Variants in CDK11B observed in about 807,000 individuals in gnomAD.
CDK11B encodes cyclin-dependent kinase 11B.
Under a neutral mutation model 84.0 loss-of-function variants are expected in CDK11B, and 37 were observed. That is an observed-to-expected ratio of 0.44 (90% CI 0.34 to 0.58). The LOEUF (loss-of-function observed/expected upper bound fraction) is 0.58. Ranked by LOEUF, CDK11B falls within the 20% of genes least tolerant of loss-of-function variation. The pLI is 0.02. For missense variants in CDK11B, 427 were observed against 834.0 expected, an observed-to-expected ratio of 0.51 and a Z score of 6.01; for synonymous variants, 269 against 309.8, an observed-to-expected ratio of 0.87 and a Z score of 1.38.
intron 3 of CDK11B, among the ~76,000 whole-genome samples, chr1:1,653,014 C>A (rs1245981998): frequency 6.6e-6 from 1 of 151,310 alleles, no homozygotes; most frequent in Non-Finnish European, 1.5e-5. Flanking sequence ...TGAGCCACTG[C>A]GCCCGGCCTG....
intron 11 of CDK11B, among the ~76,000 whole-genome samples, chr1:1,639,006 T>C (rs1639835345): frequency 6.8e-6 from 1 of 146,732 alleles, no homozygotes; most frequent in South Asian, 2.2e-4. Context: ...AATGGTGAGA[T>C]CTCGGCTCAC....
In CDK11B at chr1:1,649,628, G is replaced by T. The variant is rs1641626037; in HGVS notation, c.365C>A (p.Ala122Asp). 2 of 1,610,126 alleles carry T rather than the reference G, an allele frequency of 1.2e-6. No individual in the cohort carries two copies. Among genetic ancestry groups the T allele is most frequent in the Admixed American group, 3.3e-5 (2 of 59,952 alleles). The change falls in exon 5 of 20, where the codon GCT (alanine) becomes GAT (aspartate). Residue 122 changes from alanine (A) to aspartate (D), a missense_variant. This residue lies in a region of CDK11B where 71 missense variants were observed against 66.2 expected (regional missense o/e 1.07). Coordinates refer to ENST00000341832, the MANE Select transcript of CDK11B (RefSeq NM_033486.3). Reference protein sequence around the residue: ...RSHSAEGGKHARVKEKEREHE... With the variant: ...RSHSAEGGKHDRVKEKEREHE... ...CTCTCTTTCTTTTTCTTTCACTCTA[G>T]CATGCTTCCCTAATGAGAAATAAAG...
chr1:1,649,524 C>T lies in CDK11B; in HGVS notation c.469G>A (p.Ala157Thr). ...EWERQKRREMAREHSRRERDR... is the reference protein window; with the variant it reads ...EWERQKRREMTREHSRRERDR... ...CTTTCTCTCCTGGAATGCTCCCTTG[C>T]CATCTCCCTTCTCTTCTGTCTTTCC... is the stretch of plus-strand genomic sequence containing the variant. The change falls in exon 5 of 20, where the codon GCA becomes ACA. Residue 157 changes from alanine to threonine, a missense_variant. Coordinates refer to ENST00000341832, the MANE Select transcript of CDK11B (RefSeq NM_033486.3). The T allele has an allele frequency of 6.3e-7, 1 of 1,597,846 alleles. No homozygotes were observed. Among genetic ancestry groups the T allele is most frequent in the Non-Finnish European group, 8.6e-7 (1 of 1,165,360 alleles).
chr1:1,635,671 C>G lies in CDK11B; in HGVS notation c.*93G>C, dbSNP rs1342217198. 3.6e-6 allele frequency: 1 copy of G among 277,966 alleles called. No individual in the cohort carries two copies. The highest frequency in any genetic ancestry group is 6.0e-6 in the Non-Finnish European group (1 of 166,700). 17.2% of individuals were successfully genotyped at this position (277,966 alleles called of 1,614,324 possible). On this transcript the variant is annotated 3_prime_UTR_variant, in exon 20 of 20. Coordinates refer to ENST00000341832, the MANE Select transcript of CDK11B (RefSeq NM_033486.3). ...ACAAAACATGGAGCACAAAGTAAGA[C>G]GAGGAGTTCCGAGTCTCATCGCAGC...
chr1:1,653,825 TACACACACACACACACACACACAC>T (rs782129056), intron 3 of CDK11B, among the ~76,000 whole-genome samples: 1 of 121,844 alleles, frequency 8.2e-6, no homozygotes, highest in Non-Finnish European at 1.6e-5. Context: ...CTACTAAAAA[TACACACACACACACACACACACAC>T]ACACACACAC....
intron 6 of CDK11B, among the ~76,000 whole-genome samples, chr1:1,643,452 G>A (rs1256280800): frequency 6.6e-6 from 1 of 151,676 alleles, no homozygotes; most frequent in South Asian, 2.1e-4. Flanking sequence ...GAGAAACAAA[G>A]AAATAGGACA....
At chr1:1,650,449 T>G (rs1253922333) in intron 4 of CDK11B, among the ~76,000 whole-genome samples, 1 of 145,584 alleles carries the variant, frequency 6.9e-6, no homozygotes, top group Non-Finnish European at 1.5e-5. Flanking sequence ...CACTGCAAGC[T>G]CCGCCTCCCG....
At chr1:1,647,381 T>C (rs1257898905) in intron 5 of CDK11B, among the ~76,000 whole-genome samples, 3 of 152,300 alleles carry the variant, frequency 2.0e-5, no homozygotes, top group Non-Finnish European at 4.4e-5. Flanking sequence ...GCCTGTCTGG[T>C]TGTCCGTGAA....
chr1:1,646,259 T>C, intron 5 of CDK11B: 1 of 378,896 alleles, frequency 2.6e-6, no homozygotes, highest in Non-Finnish European at 5.2e-6. Context: ...TTGGATTTAC[T>C]TTCCTTGCTT....
intron 3 of CDK11B, among the ~76,000 whole-genome samples, chr1:1,653,679 C>T (rs189262435): frequency 6.6e-6 from 1 of 151,730 alleles, no homozygotes; most frequent in African/African-American, 2.4e-5. Flanking sequence ...CCCAATAAAT[C>T]TGTTAAAAGA....
In CDK11B at chr1:1,657,183, G is replaced by A. The variant is rs532413972; in HGVS notation, c.111+192C>T. On this transcript the variant is annotated intron_variant, in intron 2 of 19. Transcript: ENST00000341832. ...CTCAATCTAGACACAGCTTTAGTGTGTTAAATCTGCCTTTAATGTCAACTG... is the reference window on the plus strand; with the variant it reads ...CTCAATCTAGACACAGCTTTAGTGTATTAAATCTGCCTTTAATGTCAACTG... The A allele has an allele frequency of 6.8e-5, 109 of 1,612,146 alleles. No homozygotes were observed. In the South Asian group the frequency reaches 1.1e-3, roughly 16 times the overall value.
intron 10 of CDK11B, 85 bp downstream of exon 10, chr1:1,640,963 C>A: frequency 4.4e-6 from 7 of 1,597,980 alleles, no homozygotes; most frequent in African/African-American, 2.8e-5. Context: ...GTGCCCCACG[C>A]TGCGCAGGAC....
chr1:1,649,128 C>A (rs1641560915), intron 5 of CDK11B, among the ~76,000 whole-genome samples: 2 of 152,000 alleles, frequency 1.3e-5, no homozygotes, highest in Non-Finnish European at 1.5e-5. Context: ...GAGACGGAGT[C>A]TCGCTCTGTC....
intron 6 of CDK11B, among the ~76,000 whole-genome samples, 158 bp downstream of exon 6, chr1:1,644,968 G>T (rs1440740745): frequency 7.1e-6 from 1 of 140,196 alleles, no homozygotes; most frequent in Admixed American, 6.8e-5. Context: ...ACTCCAGCCT[G>T]GGGGACAAGA....
chr1:1,635,586 C>T lies in CDK11B; in HGVS notation c.*178G>A. On this transcript the variant is annotated 3_prime_UTR_variant, in exon 20 of 20. Transcript: ENST00000341832. ...GGCAAGTCACGGAGAAAACACAGCT[C>T]TTTCCTCCACAACAAGGAAAATGAT... The T allele has an allele frequency of 2.1e-6, 1 of 482,500 alleles. No homozygotes were observed. The highest frequency in any genetic ancestry group is 3.5e-6 in the Non-Finnish European group (1 of 283,130). 29.9% of individuals were successfully genotyped at this position (482,500 alleles called of 1,614,324 possible).
Position 1,636,740 on chromosome 1 carries a change from G to C in CDK11B, c.1859C>G (p.Thr620Ser). Residue 620 changes from threonine to serine, a missense_variant, in exon 17 of 20, where the codon ACT becomes AGT. This residue lies in a region of CDK11B where 170 missense variants were observed against 196.0 expected (regional missense o/e 0.87). Coordinates refer to ENST00000341832, the MANE Select transcript of CDK11B (RefSeq NM_033486.3). ...SVGCIFGELL[T>S]QKPLFPGKSE... is the part of the protein sequence containing the mutation. ...CTTCCCGGGGAACAGAGGCTTCTGAGTCAGCAGCTCCCCGAAGATGCAACC... is the reference window on the plus strand; with the variant it reads ...CTTCCCGGGGAACAGAGGCTTCTGACTCAGCAGCTCCCCGAAGATGCAACC... The C allele has an allele frequency of 5.0e-6, 8 of 1,613,996 alleles. No individual in the cohort carries two copies. The highest frequency in any genetic ancestry group is 6.8e-6 in the Non-Finnish European group (8 of 1,179,880).
At chr1:1,648,108 A>T (rs1206449532) in intron 5 of CDK11B, among the ~76,000 whole-genome samples, 1 of 152,250 alleles carries the variant, frequency 6.6e-6, no homozygotes, top group Non-Finnish European at 1.5e-5. Context: ...CTCTGGCCTT[A>T]GCCTCCCACG....
Position 1,635,556 on chromosome 1 carries a change from C to G in CDK11B, c.*208G>C. ...CACCCGAAGATGTCCACCCTCTCCG[C>G]CCTGGGCAAGTCACGGAGAAAACAC... On this transcript the variant is annotated 3_prime_UTR_variant, in exon 20 of 20. Coordinates refer to ENST00000341832, the MANE Select transcript of CDK11B (RefSeq NM_033486.3). The G allele has an allele frequency of 2.0e-6, 1 of 507,324 alleles. No individual in the cohort carries two copies. 31.4% of individuals were successfully genotyped at this position (507,324 alleles called of 1,614,324 possible).
At chr1:1,650,370 CTTTTTTTTT>C (rs1214383150) in intron 4 of CDK11B, among the ~76,000 whole-genome samples, 4 of 120,556 alleles carry the variant, frequency 3.3e-5, no homozygotes, top group African/African-American at 9.9e-5. Context: ...TCTTTTTTTT[CTTTTTTTTT>C]TTTGGAGATG....
Sources: gnomAD v4.1 joint callset for allele counts (sites outside exome capture counted in the v4.1 genomes callset) on GRCh38, gnomAD v4.1.1 for gene constraint, gnomAD v4.1.1 regional missense constraint, MANE v1.5 for transcripts, NCBI Gene and HGNC (gene_info 2026-07-23, HGNC 2026-07-21) for gene names.